Variants in SIM1 observed in about 807,000 individuals in gnomAD.
SIM1 encodes the protein single-minded homolog 1.
SIM1 carries 18 observed loss-of-function variants against 78.2 expected under a neutral mutation model. That is an observed-to-expected ratio of 0.23 (90% CI 0.16 to 0.34). The LOEUF (loss-of-function observed/expected upper bound fraction) is 0.34, where lower values mean the gene tolerates loss of function less well. SIM1 is among the 10% of genes least tolerant of loss of function. SIM1 has a pLI of 1.00. For missense variants in SIM1, 939 were observed against 975.1 expected (o/e 0.96, Z 0.49); for synonymous variants, 417 against 385.2 (o/e 1.08, Z -0.97).
At chr6:100,430,755 T>C (rs1356591480) in intron 9 of SIM1, among the ~76,000 whole-genome samples, 1 of 152,134 alleles carries the variant, frequency 6.6e-6, no homozygotes, top group Non-Finnish European at 1.5e-5. Flanking sequence ...GAACACCTTA[T>C]ATTTGGTTGA....
At position 100,387,174 on chromosome 6, in the gene SIM1, A is replaced by G. The variant is rs574434355; in HGVS notation, c.*3187T>C. On this transcript the variant is annotated 3_prime_UTR_variant, in exon 12 of 12. Transcript: ENST00000369208. Reference sequence around the variant, plus strand: ...ATGAATTGATACATATTATACCAGTAATTGGATAGAGCACATTTTTATGTA... The same window carrying G: ...ATGAATTGATACATATTATACCAGTGATTGGATAGAGCACATTTTTATGTA... 3 of 152,176 alleles carry G rather than the reference A, an allele frequency of 2.0e-5. No individual in the cohort carries two copies. In the South Asian group the frequency reaches 6.2e-4, roughly 32 times the overall value. 9.4% of individuals were successfully genotyped at this position (152,176 alleles called of 1,614,324 possible). A position where few individuals can be genotyped will look rare whatever the true frequency, so the allele number is the denominator to read the frequency against.
chr6:100,458,363 G>T (rs970606706), intron 2 of SIM1, among the ~76,000 whole-genome samples: 1 of 151,614 alleles, frequency 6.6e-6, no homozygotes, highest in African/African-American at 2.4e-5. Flanking sequence ...GGCCGAGCCC[G>T]AACGCGCGGG....
chr6:100,422,042 G>T (rs1336182703), intron 9 of SIM1, among the ~76,000 whole-genome samples: 1 of 152,082 alleles, frequency 6.6e-6, no homozygotes, highest in East Asian at 1.9e-4. Context: ...ATCACTTCTA[G>T]CAAGTGTACA....
chr6:100,444,229 T>C (rs910131112), intron 9 of SIM1, among the ~76,000 whole-genome samples: 1 of 152,110 alleles, frequency 6.6e-6, no homozygotes, highest in African/African-American at 2.4e-5. Flanking sequence ...CTTTACACAG[T>C]ATACTCCATA....
rs1770566814 is a variant in SIM1, at chr6:100,388,781, A to G, written c.*1580T>C. 1 of 152,102 alleles carries G rather than the reference A, an allele frequency of 6.6e-6. No individual in the cohort carries two copies. The highest frequency in any genetic ancestry group is 6.5e-5 in the Admixed American group (1 of 15,270). The allele number at this position is 152,102 out of a possible 1,614,324, so 9.4% of individuals were successfully genotyped here. A position where few individuals can be genotyped will look rare whatever the true frequency, so the allele number is the denominator to read the frequency against. On this transcript the variant is annotated 3_prime_UTR_variant, in exon 12 of 12. Transcript: ENST00000369208. ...TGAAATCTCTCTAATCACTTATATCATTTTGCTTTAATTACTAGAGAATAG... is the reference window on the plus strand; with the variant it reads ...TGAAATCTCTCTAATCACTTATATCGTTTTGCTTTAATTACTAGAGAATAG...
Position 100,433,740 on chromosome 6 carries a change from C to CCACACACACACACA in SIM1, c.999-12796_999-12783dup, listed in dbSNP as rs528530747. On this transcript the variant is annotated intron_variant, in intron 9 of 11. Transcript: ENST00000369208. ...AACAGATTAAGACCCACCCCCCCAC[C>CCACACACACACACA]CACACACACACACACACACACACAC... Among the ~76,000 whole-genome samples the CCACACACACACACA allele has an allele frequency of 1.4e-3, 170 of 124,332 alleles. 1 individual carries two copies. The highest frequency in any genetic ancestry group is 4.5e-3 in the East Asian group (18 of 3,980). 81.6% of individuals were successfully genotyped at this position (124,332 alleles called of 152,430 possible). A position where few individuals can be genotyped will look rare whatever the true frequency, so the allele number is the denominator to read the frequency against.
At chr6:100,416,241 C>A (rs1163157509) in intron 10 of SIM1, among the ~76,000 whole-genome samples, 1 of 152,180 alleles carries the variant, frequency 6.6e-6, no homozygotes, top group African/African-American at 2.4e-5. Context: ...ATGTTTCTCT[C>A]CTCTTTCTTT....
chr6:100,461,947 G>A (rs1161296664), intron 2 of SIM1, among the ~76,000 whole-genome samples: 1 of 151,096 alleles, frequency 6.6e-6, no homozygotes, highest in East Asian at 1.9e-4. Context: ...TGCTTTAGGA[G>A]GGAACGACTA....
In SIM1 at chr6:100,412,611, GGAAAGAAA is replaced by G. The variant is rs1409055239; in HGVS notation, c.1167+8171_1167+8178del. 1.1e-3 allele frequency among the ~76,000 whole-genome samples: 76 copies of G among 67,632 alleles called. 4 individuals are homozygous for G. The highest frequency in any genetic ancestry group is 4.4e-3 in the African/African-American group (74 of 16,928). The allele number at this position is 67,632 out of a possible 152,430, so 44.4% of individuals were successfully genotyped here. A position where few individuals can be genotyped will look rare whatever the true frequency, so the allele number is the denominator to read the frequency against. ...AGAAAGAAAGAAAGAAAGAAAGAAAGGAAAGAAAGAAGGAAAGAAAGAAAGAAAAGAAA... is the reference window on the plus strand; with the variant it reads ...AGAAAGAAAGAAAGAAAGAAAGAAAGGAAGGAAAGAAAGAAAGAAAAGAAA... On this transcript the variant is annotated intron_variant, in intron 10 of 11. Transcript: ENST00000369208.
rs1307721616 is a variant in SIM1 at position 100,389,194 on chromosome 6, G to A, written c.*1167C>T. 1 of 155,186 alleles carries A rather than the reference G, an allele frequency of 6.4e-6. No homozygotes were observed. The highest frequency in any genetic ancestry group is 1.4e-5 in the Non-Finnish European group (1 of 70,190). The allele number at this position is 155,186 out of a possible 1,614,324, so 9.6% of individuals were successfully genotyped here. A position where few individuals can be genotyped will look rare whatever the true frequency, so the allele number is the denominator to read the frequency against. ...CTATACCACACAGATGTAAGACCAA[G>A]TTTGTTGTTTACAAACAATAAGGAA... On this transcript the variant is annotated 3_prime_UTR_variant, in exon 12 of 12. Transcript: ENST00000369208.
At chr6:100,403,872 A>G (rs1386617313) in intron 10 of SIM1, among the ~76,000 whole-genome samples, 1 of 152,226 alleles carries the variant, frequency 6.6e-6, no homozygotes, top group African/African-American at 2.4e-5. Context: ...ATCCCTTTAC[A>G]GACATAACAA....
chr6:100,409,615 T>C (rs1172715939), intron 10 of SIM1, among the ~76,000 whole-genome samples: 3 of 152,130 alleles, frequency 2.0e-5, no homozygotes, highest in African/African-American at 7.2e-5. Context: ...TATAGTTCCT[T>C]TAGGTGTAAA....
intron 4 of SIM1, 138 bp downstream of exon 4, chr6:100,450,129 T>A: frequency 1.4e-6 from 1 of 728,606 alleles, no homozygotes; most frequent in Non-Finnish European, 2.4e-6. Context: ...CAGAACTATT[T>A]AAGAGTCTTC....
rs771724412 is a variant in SIM1, at chr6:100,449,371, C to T, written c.535G>A (p.Gly179Ser). 5 of 1,613,532 alleles carry T rather than the reference C, an allele frequency of 3.1e-6. No individual in the cohort carries two copies. The highest frequency in any genetic ancestry group is 4.2e-6 in the Non-Finnish European group (5 of 1,179,716). The change falls in exon 6 of 12, where the codon GGC (glycine) becomes AGC (serine). Residue 179 changes from glycine to serine, a missense_variant. Around this residue, in one of 5 missense-constraint regions of SIM1, gnomAD observed 187 missense variants for 191.6 expected, o/e 0.98. Transcript: ENST00000369208. ...AKRNAGLTCG[G>S]YKVIHCSGYL... ...ATCTTCCAGCTACGCACCTTGTAGC[C>T]GCCACAGGTGAGGCCGGCGTTACGC...
intron 2 of SIM1, among the ~76,000 whole-genome samples, chr6:100,458,006 TTCTCTCTCTCTCTCTCTCTCTCTC>T (rs71028024): frequency 0.01 from 926 of 90,270 alleles, 11 homozygotes; most frequent in African/African-American, 0.035. Flanking sequence ...GTCTCTCTCT[TTCTCTCTCTCTCTCTCTCTCTCTC>T]TCTCTCTCTC....
chr6:100,427,476 C>A (rs1195818452), intron 9 of SIM1, among the ~76,000 whole-genome samples: 3 of 152,114 alleles, frequency 2.0e-5, no homozygotes, highest in Non-Finnish European at 4.4e-5. Context: ...GATGGCACCA[C>A]AAGGGTAAGG....
chr6:100,448,435 C>A, intron 7 of SIM1, 44 bp downstream of exon 7: 1 of 1,585,604 alleles, frequency 6.3e-7, no homozygotes, highest in South Asian at 1.1e-5. Context: ...TAAGCAGGGC[C>A]GCCCTCAGGC....
intron 10 of SIM1, among the ~76,000 whole-genome samples, chr6:100,406,922 C>T (rs996204300): frequency 4.0e-5 from 6 of 150,756 alleles, no homozygotes; most frequent in African/African-American, 1.4e-4. Flanking sequence ...TACATTAGAT[C>T]CCCAGAACAC....
At chr6:100,425,647 T>G (rs1771707282) in intron 9 of SIM1, among the ~76,000 whole-genome samples, 1 of 152,196 alleles carries the variant, frequency 6.6e-6, no homozygotes, top group African/African-American at 2.4e-5. Flanking sequence ...AATTGAGCGT[T>G]TCATTTGTAT....
Sources: allele counts gnomAD v4.1 joint callset (sites outside exome capture counted in the v4.1 genomes callset), GRCh38; gene constraint gnomAD v4.1.1; regional missense constraint gnomAD v4.1.1; transcripts MANE v1.5; gene names NCBI Gene and HGNC (gene_info 2026-07-23, HGNC 2026-07-21).